IL1RAP: variants seen among roughly 807,000 people sequenced by gnomAD.
The protein encoded by IL1RAP is interleukin 1 receptor accessory protein, also known as interleukin-1 receptor accessory protein.
In IL1RAP, 35 loss-of-function variants were observed where a neutral mutation model predicts 60.7. That is an observed-to-expected ratio of 0.58 (90% CI 0.44 to 0.76). IL1RAP has a LOEUF of 0.76. IL1RAP is among the 30% of genes least tolerant of loss of function. The pLI is 0.00. For missense variants in IL1RAP, 572 were observed against 693.9 expected, an observed-to-expected ratio of 0.82 and a Z score of 1.97; for synonymous variants, 268 against 250.9, an observed-to-expected ratio of 1.07 and a Z score of -0.64.
rs116511945 is a variant in IL1RAP at position 190,620,232 on chromosome 3, A to G, written c.538-43A>G. 1.8e-3 allele frequency: 2,052 copies of G among 1,114,816 alleles called. 35 individuals are homozygous for G. The African/African-American group carries it at 0.03, about 17-fold the overall frequency. The allele number at this position is 1,114,816 out of a possible 1,614,324, so 69.1% of individuals were successfully genotyped here. The stretch of plus-strand genomic sequence containing the variant: ...GCGTGTGTTTGTATGTTTTCTATGC[A>G]TGTATCTAAAAAGTAAACTTTTTTT... On this transcript the variant is annotated intron_variant, in intron 5 of 11. Coordinates refer to ENST00000447382, the MANE Select transcript of IL1RAP (RefSeq NM_002182.4).
At chr3:190,614,497 T>C (rs144226456) in intron 5 of IL1RAP, among the ~76,000 whole-genome samples, 1 of 152,212 alleles carries the variant, frequency 6.6e-6, no homozygotes, top group Non-Finnish European at 1.5e-5. Flanking sequence ...AGCTAACATT[T>C]ACTGAACACA....
At chr3:190,633,500 G>T (rs115551689) in intron 9 of IL1RAP, among the ~76,000 whole-genome samples, 3,105 of 152,072 alleles carry the variant, frequency 0.02, 55 homozygotes, top group Non-Finnish European at 0.034. Flanking sequence ...GCGATTACAG[G>T]TCCCCACTAC....
chr3:190,608,881 A>G (rs1162502513), intron 4 of IL1RAP, 114 bp from the exon 5 acceptor site: 15 of 709,790 alleles, frequency 2.1e-5, no homozygotes, highest in Non-Finnish European at 3.0e-5. Context: ...ATGAACTTAC[A>G]TGTATAAATG....
At chr3:190,526,318 G>A (rs942433475) in intron 1 of IL1RAP, among the ~76,000 whole-genome samples, 1 of 152,148 alleles carries the variant, frequency 6.6e-6, no homozygotes, top group African/African-American at 2.4e-5. Flanking sequence ...GTCAATATTG[G>A]AAATTGAGCA....
intron 3 of IL1RAP, among the ~76,000 whole-genome samples, chr3:190,573,257 C>A (rs1419885038): frequency 6.6e-6 from 1 of 152,070 alleles, no homozygotes; most frequent in East Asian, 1.9e-4. Context: ...GAAGAGATGG[C>A]GGGCAAAAGT....
Position 190,608,836 on chromosome 3 carries a change from G to GAATTCGTA in IL1RAP, c.351-159_351-158insAATTCGTA, listed in dbSNP as rs397813547. Among the ~76,000 whole-genome samples, 41 of 152,152 alleles carry GAATTCGTA rather than the reference G, an allele frequency of 2.7e-4. No homozygotes were observed. In the East Asian group the frequency reaches 7.3e-3, roughly 27 times the overall value. On this transcript the variant is annotated intron_variant, in intron 4 of 11. Coordinates refer to ENST00000447382, the MANE Select transcript of IL1RAP (RefSeq NM_002182.4). The stretch of plus-strand genomic sequence containing the variant: ...TTTTTATTCTGTGATGTCAATTCGT[G>GAATTCGTA]TAGGAAATGCCTCCACTACCATTTT...
At chr3:190,639,389 T>C (rs1733480279) in intron 9 of IL1RAP, among the ~76,000 whole-genome samples, 1 of 152,336 alleles carries the variant, frequency 6.6e-6, no homozygotes, top group South Asian at 2.1e-4. Context: ...GGCCATTTTC[T>C]TTGTGATGTC....
chr3:190,607,895 G>A (rs530297699), intron 4 of IL1RAP, among the ~76,000 whole-genome samples: 37 of 152,158 alleles, frequency 2.4e-4, no homozygotes, highest in Middle Eastern at 3.4e-3. Context: ...ACTATTTGCT[G>A]TCTCTATTCC....
intron 9 of IL1RAP, 108 bp from the exon 10 acceptor site, chr3:190,644,140 G>A: frequency 1.5e-5 from 22 of 1,468,038 alleles, no homozygotes; most frequent in Non-Finnish European, 2.0e-5. Flanking sequence ...TTCATACATA[G>A]GCAGGTGCAT....
chr3:190,531,338 C>CT (rs902012925), intron 1 of IL1RAP, among the ~76,000 whole-genome samples: 1 of 152,158 alleles, frequency 6.6e-6, no homozygotes, highest in Non-Finnish European at 1.5e-5. Context: ...AAAGAACAGG[C>CT]TTTTTGTAAC....
At chr3:190,542,786 T>G (rs2108566960) in intron 1 of IL1RAP, among the ~76,000 whole-genome samples, 1 of 152,228 alleles carries the variant, frequency 6.6e-6, no homozygotes, top group South Asian at 2.1e-4. Flanking sequence ...TAGAAAACTC[T>G]TCCTTTCTAA....
chr3:190,611,799 G>C (rs1730846844), intron 5 of IL1RAP, among the ~76,000 whole-genome samples: 1 of 152,074 alleles, frequency 6.6e-6, no homozygotes, highest in African/African-American at 2.4e-5. Flanking sequence ...ACAATAAAAT[G>C]ACTAAGAGGG....
intron 3 of IL1RAP, among the ~76,000 whole-genome samples, chr3:190,589,444 C>T (rs190956980): frequency 8.5e-5 from 13 of 152,272 alleles, no homozygotes; most frequent in Non-Finnish European, 1.5e-4. Context: ...AAAATCTACA[C>T]GCTTGACACA....
intron 1 of IL1RAP, among the ~76,000 whole-genome samples, chr3:190,524,748 T>C (rs9883811): frequency 0.18 from 27,250 of 152,138 alleles, 2,683 homozygotes; most frequent in Middle Eastern, 0.37. Context: ...TAAATAAGTA[T>C]ATGGATAGAT....
chr3:190,639,501 A>T (rs143682190), intron 9 of IL1RAP, among the ~76,000 whole-genome samples: 184 of 152,228 alleles, frequency 1.2e-3, no homozygotes, highest in African/African-American at 4.2e-3. Context: ...TTTGCTGTTC[A>T]CAATGTTCAT....
At chr3:190,565,183 CA>C (rs1403778339) in intron 3 of IL1RAP, among the ~76,000 whole-genome samples, 12 of 148,300 alleles carry the variant, frequency 8.1e-5, no homozygotes, top group Middle Eastern at 3.3e-3. Flanking sequence ...AAAAAAGAAA[CA>C]AACAAACAAA....
At chr3:190,516,041 C>T (rs1164817324) in intron 1 of IL1RAP, among the ~76,000 whole-genome samples, 1 of 152,218 alleles carries the variant, frequency 6.6e-6, no homozygotes, top group Non-Finnish European at 1.5e-5. Flanking sequence ...TGATGAACTT[C>T]ATGCAATAAT....
At chr3:190,652,294 T>C (rs1295551638), downstream of IL1RAP, among the ~76,000 whole-genome samples, 1 of 151,914 alleles carries the variant, frequency 6.6e-6, no homozygotes, top group Non-Finnish European at 1.5e-5. Flanking sequence ...AAACCCTGTC[T>C]CTATTAAAAT....
intron 1 of IL1RAP, among the ~76,000 whole-genome samples, chr3:190,542,776 T>C (rs375646432): frequency 1.3e-5 from 2 of 152,198 alleles, no homozygotes; most frequent in African/African-American, 2.4e-5. Flanking sequence ...TATTATTTCA[T>C]AGAAAACTCT....
Sources: gnomAD v4.1 joint callset for allele counts (sites outside exome capture counted in the v4.1 genomes callset) on GRCh38, gnomAD v4.1.1 for gene constraint, MANE v1.5 for transcripts, NCBI Gene and HGNC (gene_info 2026-07-23, HGNC 2026-07-21) for gene names.